Variants in CREBL2 observed in about 807,000 individuals in gnomAD.
CREBL2 encodes the protein cAMP-responsive element-binding protein-like 2.
CREBL2 carries 4 observed loss-of-function variants against 19.5 expected under a neutral mutation model. The observed-to-expected ratio is 0.20, with a 90% CI of 0.10 to 0.47. CREBL2 has a LOEUF of 0.47. Ranked by LOEUF, CREBL2 falls within the 20% of genes least tolerant of loss-of-function variation. The pLI, the probability that CREBL2 is intolerant of heterozygous loss-of-function variation, is 0.98. For synonymous variants in CREBL2, 42 were observed against 46.6 expected (o/e 0.90, Z 0.40); for missense variants, 85 against 145.1 (o/e 0.59, Z 2.13).
intron 2 of CREBL2, among the ~76,000 whole-genome samples, chr12:12,636,556 A>G (rs558789356): frequency 3.3e-5 from 5 of 152,196 alleles, no homozygotes; most frequent in Admixed American, 3.3e-4. Flanking sequence ...AGTAGCTGGG[A>G]CTACAGGTGC....
chr12:12,614,857 G>GTTTTTTTT (rs34663387), intron 1 of CREBL2: 3 of 168,740 alleles, frequency 1.8e-5, no homozygotes, highest in East Asian at 1.8e-4. Context: ...TAGGGCATTA[G>GTTTTTTTT]TTTTTTTTTT....
chr12:12,629,975 G>GTATAATCT (rs1191659203), intron 1 of CREBL2, among the ~76,000 whole-genome samples: 13 of 152,018 alleles, frequency 8.6e-5, no homozygotes, highest in Non-Finnish European at 2.9e-5. Flanking sequence ...TAGTCATGGT[G>GTATAATCT]TATAATCTTC....
At chr12:12,615,067 T>TG (rs1209305718) in intron 1 of CREBL2, among the ~76,000 whole-genome samples, 2 of 152,122 alleles carry the variant, frequency 1.3e-5, no homozygotes. Flanking sequence ...CCAGGCTTGA[T>TG]GCAGTGGTGC....
At chr12:12,613,740 T>G (rs1440962195) in intron 1 of CREBL2, among the ~76,000 whole-genome samples, 2 of 152,216 alleles carry the variant, frequency 1.3e-5, no homozygotes. Flanking sequence ...CACACATTAA[T>G]TCCCTTGACA....
At chr12:12,612,626 C>T (rs1338954101) in intron 1 of CREBL2, among the ~76,000 whole-genome samples, 3 of 152,106 alleles carry the variant, frequency 2.0e-5, no homozygotes, top group Non-Finnish European at 4.4e-5. Flanking sequence ...TCAGTTCACT[C>T]CCCCTCTGAG....
At chr12:12,640,982 T>C (rs73279462) in intron 3 of CREBL2, among the ~76,000 whole-genome samples, 2,830 of 152,150 alleles carry the variant, frequency 0.019, 90 homozygotes, top group African/African-American at 0.064. Context: ...TTTACCTGCC[T>C]CATGTTTTCT....
rs553469268 is a variant in CREBL2 at position 12,642,385 on chromosome 12, T to C, written c.*387T>C. 5.3e-4 allele frequency: 85 copies of C among 161,852 alleles called. 1 individual carries two copies. The Middle Eastern group carries it at 0.015, about 29-fold the overall frequency. 10.0% of individuals were successfully genotyped at this position (161,852 alleles called of 1,614,324 possible). ...TAATTGTATGTCTGTGTGTGTTTTA[T>C]GTGTCACCACCTTTCATGTTTTTGA... On this transcript the variant is annotated 3_prime_UTR_variant, in exon 4 of 4. Coordinates refer to ENST00000228865, the MANE Select transcript of CREBL2 (RefSeq NM_001310.4).
At chr12:12,638,722 G>T (rs1358173472) in intron 3 of CREBL2, among the ~76,000 whole-genome samples, 2 of 152,078 alleles carry the variant, frequency 1.3e-5, no homozygotes, top group Non-Finnish European at 2.9e-5. Flanking sequence ...TAGCAGAAAG[G>T]CTGGCTAAGG....
intron 2 of CREBL2, among the ~76,000 whole-genome samples, chr12:12,636,449 C>CTTG (rs1196782527): frequency 6.6e-6 from 1 of 151,882 alleles, no homozygotes; most frequent in Non-Finnish European, 1.5e-5. Context: ...GAGATAGAGT[C>CTTG]TTGCTCTGTC....
intron 1 of CREBL2, among the ~76,000 whole-genome samples, chr12:12,619,620 A>G (rs1345251662): frequency 6.6e-6 from 1 of 152,162 alleles, no homozygotes; most frequent in Non-Finnish European, 1.5e-5. Flanking sequence ...CAAAGGAAAA[A>G]GGAAAGTTTC....
chr12:12,631,224 A>G (rs907784821), intron 1 of CREBL2, among the ~76,000 whole-genome samples: 1 of 152,224 alleles, frequency 6.6e-6, no homozygotes, highest in Non-Finnish European at 1.5e-5. Flanking sequence ...TGTGAAGGGT[A>G]AGAAAAATCA....
chr12:12,627,088 G>C (rs1032382292), intron 1 of CREBL2, among the ~76,000 whole-genome samples: 1 of 151,948 alleles, frequency 6.6e-6, no homozygotes, highest in African/African-American at 2.4e-5. Context: ...GGGGTTTTTA[G>C]GGCAGTGAGA....
At chr12:12,623,533 T>C (rs535752209) in intron 1 of CREBL2, among the ~76,000 whole-genome samples, 2 of 151,834 alleles carry the variant, frequency 1.3e-5, no homozygotes, top group African/African-American at 4.8e-5. Flanking sequence ...AGAGGGAAAA[T>C]AGAAATGTAG....
rs764346844 is a variant in CREBL2, at chr12:12,640,076, A to G, written c.359-1918A>G. ...TAAGGGTCTATGTTCAGCAGTGCAC[A>G]TATTGTCTTGATAAACATCTTAAAC... On this transcript the variant is annotated intron_variant, in intron 3 of 3. Coordinates refer to ENST00000228865, the MANE Select transcript of CREBL2 (RefSeq NM_001310.4). 7.2e-5 allele frequency among the ~76,000 whole-genome samples: 11 copies of G among 152,228 alleles called. No homozygotes were observed. In the South Asian group the frequency reaches 2.3e-3, roughly 32 times the overall value.
At chr12:12,617,608 T>G (rs1380855406) in intron 1 of CREBL2, among the ~76,000 whole-genome samples, 1 of 143,420 alleles carries the variant, frequency 7.0e-6, no homozygotes, top group African/African-American at 2.5e-5. Flanking sequence ...TTTACTACGG[T>G]GCAGTAGGTC....
intron 3 of CREBL2, 151 bp downstream of exon 3, chr12:12,637,865 A>T: frequency 1.3e-6 from 1 of 793,750 alleles, no homozygotes; most frequent in Non-Finnish European, 1.8e-6. Context: ...ACATGGCAAA[A>T]CCCCATCTCT....
At chr12:12,612,293 C>T (rs1945273814) in intron 1 of CREBL2, 106 bp downstream of exon 1, 1 of 1,584,310 alleles carries the variant, frequency 6.3e-7, no homozygotes, top group Admixed American at 1.7e-5. Flanking sequence ...GAGACACCTG[C>T]CTAAAACATC....
chr12:12,616,570 G>C (rs941118232), intron 1 of CREBL2, among the ~76,000 whole-genome samples: 10 of 152,214 alleles, frequency 6.6e-5, no homozygotes, highest in African/African-American at 2.4e-4. Flanking sequence ...TGTAGTTGTA[G>C]ATAAGTAATA....
intron 1 of CREBL2, among the ~76,000 whole-genome samples, chr12:12,618,702 C>T (rs1945335537): frequency 6.6e-6 from 1 of 152,108 alleles, no homozygotes; most frequent in South Asian, 2.1e-4. Context: ...GAGGTTGTAG[C>T]GAGCCGAGAT....
Sources: gnomAD v4.1 joint callset for allele counts (sites outside exome capture counted in the v4.1 genomes callset) on GRCh38, gnomAD v4.1.1 for gene constraint, MANE v1.5 for transcripts, NCBI Gene and HGNC (gene_info 2026-07-23, HGNC 2026-07-21) for gene names.